The following ADRA1B variants were observed in gnomAD, a reference collection of about 807,000 sequenced individuals.
ADRA1B encodes the protein adrenoceptor alpha 1B.
Under a neutral mutation model 17.9 loss-of-function variants are expected in ADRA1B, and 17 were observed. The observed-to-expected ratio is 0.95, with a 90% confidence interval of 0.65 to 1.42. The LOEUF (loss-of-function observed/expected upper bound fraction) is 1.42. Ranked by LOEUF, ADRA1B falls within the 40% of genes most tolerant of loss-of-function variation. ADRA1B has a pLI of 0.00. For synonymous variants in ADRA1B, 366 were observed against 327.6 expected, an observed-to-expected ratio of 1.12 and a Z score of -1.27; for missense variants, 681 against 722.1, an observed-to-expected ratio of 0.94 and a Z score of 0.65.
chr5:159,878,390 A>G (rs1406957219), intron 1 of ADRA1B, among the ~76,000 whole-genome samples: 2 of 152,148 alleles, frequency 1.3e-5, no homozygotes, highest in African/African-American at 4.8e-5. Flanking sequence ...GAGAACTCCC[A>G]CTCAGAGTAG....
chr5:159,886,451 G>A (rs1181062288), intron 1 of ADRA1B, among the ~76,000 whole-genome samples: 1 of 152,136 alleles, frequency 6.6e-6, no homozygotes, highest in Non-Finnish European at 1.5e-5. Flanking sequence ...TGTCTGCTGG[G>A]GGCATGGAGG....
chr5:159,923,344 C>T (rs1271533301), intron 1 of ADRA1B, among the ~76,000 whole-genome samples: 3 of 152,228 alleles, frequency 2.0e-5, no homozygotes, highest in East Asian at 1.9e-4. Context: ...ACACTTCAGA[C>T]GAGACAGGTA....
At chr5:159,918,053 C>T (rs533018516) in intron 1 of ADRA1B, among the ~76,000 whole-genome samples, 199 bp downstream of exon 1, 5 of 152,152 alleles carry the variant, frequency 3.3e-5, no homozygotes, top group Admixed American at 1.3e-4. Flanking sequence ...TAGTAGAACA[C>T]GCTAAGGCAC....
At chr5:159,964,128 G>A (rs566852357) in intron 1 of ADRA1B, among the ~76,000 whole-genome samples, 8 of 152,324 alleles carry the variant, frequency 5.3e-5, no homozygotes, top group East Asian at 3.9e-4. Context: ...ACAAGAAACC[G>A]TGAGTCACAT....
chr5:159,950,648 C>T (rs1166361727), intron 1 of ADRA1B: 46 of 784,660 alleles, frequency 5.9e-5, no homozygotes, highest in East Asian at 5.4e-4. Context: ...CTGTTGAAGT[C>T]AGAGGAGACA....
At chr5:159,883,655 A>C (rs1313242587) in intron 1 of ADRA1B, among the ~76,000 whole-genome samples, 1 of 152,190 alleles carries the variant, frequency 6.6e-6, no homozygotes, top group Non-Finnish European at 1.5e-5. Flanking sequence ...TGGCTGCAAA[A>C]ATATTTAAAC....
intron 1 of ADRA1B, chr5:159,870,296 G>A (rs1753720581): frequency 6.6e-6 from 1 of 152,170 alleles, no homozygotes; most frequent in Non-Finnish European, 1.5e-5. Flanking sequence ...GAGAAAGCAA[G>A]CCATCTATCT....
chr5:159,878,025 C>G (rs1173305306), intron 1 of ADRA1B, among the ~76,000 whole-genome samples: 1 of 152,090 alleles, frequency 6.6e-6, no homozygotes, highest in Non-Finnish European at 1.5e-5. Flanking sequence ...GCTCTGAAAC[C>G]TAGAAAAACA....
chr5:159,917,340 C>G lies in ADRA1B; in HGVS notation c.435C>G (p.Ile145Met). Residue 145 changes from isoleucine to methionine, a missense_variant, in exon 1 of 2, where the codon ATC (isoleucine) becomes ATG (methionine). By Grantham distance (10) the Ile-to-Met change is conservative. Transcript: ENST00000306675. Reference protein sequence around the residue: ...SLCAISIDRYIGVRYSLQYPT... With the variant: ...SLCAISIDRYMGVRYSLQYPT... ...GCGCCATCTCCATCGATCGCTACATCGGGGTGCGCTACTCTCTGCAGTATC... is the reference window on the plus strand; with the variant it reads ...GCGCCATCTCCATCGATCGCTACATGGGGGTGCGCTACTCTCTGCAGTATC... The G allele has an allele frequency of 6.2e-7, 1 of 1,614,024 alleles. No individual in the cohort carries two copies. Among genetic ancestry groups the G allele is most frequent in the Non-Finnish European group, 8.5e-7 (1 of 1,180,004 alleles).
At chr5:159,948,153 C>G (rs1755328484) in intron 1 of ADRA1B, 2 of 985,422 alleles carry the variant, frequency 2.0e-6, no homozygotes, top group Non-Finnish European at 2.4e-6. Flanking sequence ...TTAATCATAA[C>G]AGGACTTTGA....
intron 1 of ADRA1B, among the ~76,000 whole-genome samples, chr5:159,898,176 C>A (rs1754058276): frequency 6.6e-6 from 1 of 152,196 alleles, no homozygotes; most frequent in South Asian, 2.1e-4. Context: ...CTGGGTCCAG[C>A]AAATGTGTTT....
Position 159,971,879 on chromosome 5 carries a change from GCT to G in ADRA1B, c.952_953del (p.Ser318LeufsTer142). 1 of 1,328,032 alleles carries G rather than the reference GCT, an allele frequency of 7.5e-7. No homozygotes were observed. The highest frequency in any genetic ancestry group is 9.7e-7 in the Non-Finnish European group (1 of 1,031,278). The allele number at this position is 1,328,032 out of a possible 1,614,324, so 82.3% of individuals were successfully genotyped here. On this transcript the variant is annotated frameshift_variant and splice_region_variant, in exon 2 of 2. Transcript: ENST00000306675. LOFTEE classifies it low-confidence loss of function (END_TRUNC). ...GTGCCCACCCCCCTCCCCACTGCAG[GCT>G]CCTTGTTCTCCACCCTGAAGCCCCC...
At chr5:159,976,619 T>C (rs888500380), downstream of ADRA1B, among the ~76,000 whole-genome samples, 1 of 143,400 alleles carries the variant, frequency 7.0e-6, no homozygotes, top group Non-Finnish European at 1.5e-5. Context: ...TGAGCCAAGA[T>C]AACTCCCAGA....
At chr5:159,984,904 CAA>C in the ADRA1B span, among the ~76,000 whole-genome samples, 40 of 136,700 alleles carry the variant, frequency 2.9e-4, no homozygotes, top group African/African-American at 3.9e-4. Context: ...AACTCTATCT[CAA>C]AAAAAAAAAA....
At chr5:159,962,780 C>T (rs1755695853) in intron 1 of ADRA1B, among the ~76,000 whole-genome samples, 1 of 149,634 alleles carries the variant, frequency 6.7e-6, no homozygotes, top group South Asian at 2.1e-4. Flanking sequence ...AAGCAATCCT[C>T]CCACCTCAGC....
intron 1 of ADRA1B, among the ~76,000 whole-genome samples, chr5:159,959,810 A>T (rs977380278): frequency 1.4e-5 from 1 of 69,534 alleles, no homozygotes; most frequent in African/African-American, 5.1e-5. Flanking sequence ...TAAAAATGTA[A>T]AAAAAAAAAA....
intron 1 of ADRA1B, among the ~76,000 whole-genome samples, chr5:159,947,492 C>T (rs1755307897): frequency 6.6e-6 from 1 of 151,996 alleles, no homozygotes; most frequent in East Asian, 1.9e-4. Flanking sequence ...AATGCAGCCT[C>T]TATAGCATTT....
intron 1 of ADRA1B, among the ~76,000 whole-genome samples, chr5:159,969,527 G>A (rs1755831365): frequency 6.6e-6 from 1 of 152,204 alleles, no homozygotes; most frequent in Middle Eastern, 3.2e-3. Context: ...TACTCTCTAG[G>A]TCTTGGTGTC....
At chr5:159,873,175 T>C (rs1014100642) in intron 1 of ADRA1B, among the ~76,000 whole-genome samples, 3 of 152,218 alleles carry the variant, frequency 2.0e-5, no homozygotes, top group African/African-American at 4.8e-5. Context: ...CAGTCTATCA[T>C]TGATAGGCAT....
Sources: gnomAD v4.1 joint callset for allele counts (sites outside exome capture counted in the v4.1 genomes callset) on GRCh38, gnomAD v4.1.1 for gene constraint, MANE v1.5 for transcripts, NCBI Gene and HGNC (gene_info 2026-07-23, HGNC 2026-07-21) for gene names.